LONP1: variants seen among roughly 807,000 people sequenced by gnomAD.
LONP1 encodes the protein lon protease homolog, mitochondrial.
Under a neutral mutation model 98.5 loss-of-function variants are expected in LONP1, and 31 were observed. That is an observed-to-expected ratio of 0.31 (90% CI 0.24 to 0.42). LONP1 has a LOEUF of 0.42. Among genes scored for constraint, LONP1 ranks in the 20% least tolerant of loss-of-function variants. LONP1 has a pLI of 1.00. For missense variants in LONP1, 1,336 were observed against 1,350.6 expected, an observed-to-expected ratio of 0.99 and a Z score of 0.17; for synonymous variants, 781 against 594.7, an observed-to-expected ratio of 1.31 and a Z score of -4.56.
At chr19:5,700,277 C>A (rs1199967426) in intron 9 of LONP1, among the ~76,000 whole-genome samples, 2 of 152,150 alleles carry the variant, frequency 1.3e-5, no homozygotes, top group Admixed American at 6.5e-5. Context: ...CCACGCCTAA[C>A]TAATTTTGTA....
At position 5,698,825 on chromosome 19, in the gene LONP1, T is replaced by C. The variant is rs193282810; in HGVS notation, c.1685+202A>G. Among the ~76,000 whole-genome samples the C allele has an allele frequency of 1.1e-3, 171 of 152,352 alleles. 1 individual carries two copies. In the East Asian group the frequency reaches 0.023, roughly 21 times the overall value. On this transcript the variant is annotated intron_variant, in intron 10 of 17. Transcript: ENST00000360614. ...CCAGGGGTCAAGCCATGGAGGTTCC[T>C]GCCAGCGCTGTTTGAGCACCTGGAA...
At chr19:5,707,860 G>A (rs760781789) in intron 5 of LONP1, 34 bp from the exon 6 acceptor site, 3 of 1,609,536 alleles carry the variant, frequency 1.9e-6, no homozygotes, top group South Asian at 2.2e-5. Context: ...CGGTGGCCAG[G>A]GCCTCACGCT....
chr19:5,692,643 GCACAGCCCCAC>G (rs139932587), intron 17 of LONP1, among the ~76,000 whole-genome samples: 1,677 of 152,252 alleles, frequency 0.011, 8 homozygotes, highest in Middle Eastern at 0.054. Flanking sequence ...TAGATGCCAG[GCACAGCCCCAC>G]CACAGCCCCT....
Position 5,708,185 on chromosome 19 carries a change from A to G in LONP1, c.932+157T>C, listed in dbSNP as rs545747169. ...CGGCCCCGGGCCTCCCACCTGCCCC[A>G]TGCCCCAGTGGGCAACGGGCTCCTC... On this transcript the variant is annotated intron_variant, in intron 5 of 17. Transcript: ENST00000360614. Among the ~76,000 whole-genome samples the G allele has an allele frequency of 3.0e-3, 458 of 152,314 alleles. 1 individual carries two copies. Among genetic ancestry groups the G allele is most frequent in the African/African-American group, 0.011 (440 of 41,576 alleles).
rs370766194 is a variant in LONP1 at position 5,699,171 on chromosome 19, G to A, written c.1541C>T (p.Thr514Ile). 2.0e-6 allele frequency: 3 copies of A among 1,525,234 alleles called. No individual in the cohort carries two copies. The highest frequency in any genetic ancestry group is 3.9e-5 in the Admixed American group (2 of 51,574). The allele number at this position is 1,525,234 out of a possible 1,614,324, so 94.5% of individuals were successfully genotyped here. A position where few individuals can be genotyped will look rare whatever the true frequency, so the allele number is the denominator to read the frequency against. The change falls in exon 10 of 18, where the codon ACC becomes ATC. Residue 514 changes from threonine (T) to isoleucine (I), a missense_variant. By Grantham distance (89) the Thr-to-Ile change is moderately conservative. Transcript: ENST00000360614. ...FIAVSQLRGS[T>I]QGKILCFYGP... ...ATAGAAGCAGAGGATCTTGCCCTGG[G>A]TGGAGCCGCGGAGCTGGCTAACGGC...
chr19:5,698,264 G>T (rs1028143339), intron 10 of LONP1, among the ~76,000 whole-genome samples: 24 of 152,136 alleles, frequency 1.6e-4, no homozygotes, highest in Non-Finnish European at 3.2e-4. Flanking sequence ...TCGGGAGCTG[G>T]GGATGTTTTT....
intron 13 of LONP1, 42 bp downstream of exon 13, chr19:5,696,012 T>C: frequency 1.3e-6 from 2 of 1,573,064 alleles, no homozygotes; most frequent in Non-Finnish European, 1.7e-6. Flanking sequence ...GGGCGCCCCC[T>C]GCTCTGGGAA....
chr19:5,691,929 T>TCGCTCGGTGGCTC lies in LONP1; in HGVS notation c.*90_*102dup. The TCGCTCGGTGGCTC allele has an allele frequency of 1.6e-6, 2 of 1,265,412 alleles. No homozygotes were observed. The highest frequency in any genetic ancestry group is 2.1e-6 in the Non-Finnish European group (2 of 937,354). The allele number at this position is 1,265,412 out of a possible 1,614,324, so 78.4% of individuals were successfully genotyped here. A position where few individuals can be genotyped will look rare whatever the true frequency, so the allele number is the denominator to read the frequency against. On this transcript the variant is annotated 3_prime_UTR_variant, in exon 18 of 18. Coordinates refer to ENST00000360614, the MANE Select transcript of LONP1 (RefSeq NM_004793.4). Reference sequence around the variant, plus strand: ...GATCTGGGTCACTGGACCGAGCTGCTCGCTCGGTGGCTCCACTGCCAGGTC... The same window carrying TCGCTCGGTGGCTC: ...GATCTGGGTCACTGGACCGAGCTGCTCGCTCGGTGGCTCCGCTCGGTGGCTCCACTGCCAGGTC...
Position 5,696,172 on chromosome 19 carries a change from TG to T in LONP1, c.1897-3del, listed in dbSNP as rs753571158. On this transcript the variant is annotated splice_polypyrimidine_tract_variant and splice_region_variant and intron_variant, in intron 12 of 17. Coordinates refer to ENST00000360614, the MANE Select transcript of LONP1 (RefSeq NM_004793.4). ...GTTGGCCGTGCAGATGAACAGCACCTGGGGGCGGCGGCAAGGTGCTGGGGGA... is the reference window on the plus strand; with the variant it reads ...GTTGGCCGTGCAGATGAACAGCACCTGGGGCGGCGGCAAGGTGCTGGGGGA... 1 of 1,612,656 alleles carries T rather than the reference TG, an allele frequency of 6.2e-7. No homozygotes were observed. The highest frequency in any genetic ancestry group is 8.5e-7 in the Non-Finnish European group (1 of 1,179,824).
intron 4 of LONP1, among the ~76,000 whole-genome samples, chr19:5,710,975 G>C (rs972624057): frequency 6.6e-6 from 1 of 151,970 alleles, no homozygotes; most frequent in African/African-American, 2.4e-5. Context: ...GCAGTGAGCT[G>C]AGATCGTTCC....
chr19:5,720,181 C>A, upstream of LONP1: 1 of 1,383,436 alleles, frequency 7.2e-7, no homozygotes, highest in Non-Finnish European at 9.3e-7. Flanking sequence ...TTCCGCTCGC[C>A]GCGAAACGCA....
chr19:5,710,012 G>C (rs764988831), intron 4 of LONP1, among the ~76,000 whole-genome samples: 1 of 150,826 alleles, frequency 6.6e-6, no homozygotes, highest in Non-Finnish European at 1.5e-5. Context: ...TCCCCCTGTT[G>C]CAAGATTCTC....
chr19:5,701,565 G>A (rs577262459), intron 8 of LONP1, among the ~76,000 whole-genome samples: 9 of 152,332 alleles, frequency 5.9e-5, no homozygotes, highest in Admixed American at 2.6e-4. Flanking sequence ...GGTCCTAACC[G>A]CGAGTGGTCC....
chr19:5,694,263 A>ACCC (rs536283050), intron 15 of LONP1, 124 bp downstream of exon 15: 28 of 1,304,886 alleles, frequency 2.1e-5, no homozygotes, highest in Non-Finnish European at 2.8e-5. Context: ...CCAGCACACC[A>ACCC]CCCCCCGCCA....
At position 5,714,233 on chromosome 19, in the gene LONP1, T is replaced by C. The variant is rs1474015436; in HGVS notation, c.468A>G (p.Lys156=). 1.2e-6 allele frequency: 2 copies of C among 1,614,098 alleles called. No individual in the cohort carries two copies. The highest frequency in any genetic ancestry group is 1.7e-6 in the Non-Finnish European group (2 of 1,179,988). The change falls in exon 2 of 18, where the codon AAA becomes AAG. Residue 156 remains lysine, a synonymous_variant. Coordinates refer to ENST00000360614, the MANE Select transcript of LONP1 (RefSeq NM_004793.4). ...NKKLVELLRR[K]VRLAQPYVGV... is the part of the protein sequence containing the mutation. ...CGACATAAGGCTGGGCGAGACGAAC[T>C]TTCCTTCTCAGCAGCTCAACCAACT... is the stretch of plus-strand genomic sequence containing the variant.
chr19:5,701,207 A>T (rs909559620), intron 8 of LONP1, among the ~76,000 whole-genome samples: 11 of 152,218 alleles, frequency 7.2e-5, no homozygotes, highest in African/African-American at 2.7e-4. Flanking sequence ...GAATTTTGGG[A>T]GGCCGAGGCA....
intron 3 of LONP1, 44 bp downstream of exon 3, chr19:5,713,090 G>T: frequency 6.2e-7 from 1 of 1,612,706 alleles, no homozygotes; most frequent in Non-Finnish European, 8.5e-7. Context: ...TCTCCCGCGT[G>T]GTACTCTGCC....
chr19:5,692,001 ACAT>A lies in LONP1; in HGVS notation c.*28_*30del, dbSNP rs774451116. On this transcript the variant is annotated 3_prime_UTR_variant, in exon 18 of 18. Coordinates refer to ENST00000360614, the MANE Select transcript of LONP1 (RefSeq NM_004793.4). ...TCAGTTCTGGCCCAGACAGGGCCTGACATCCGCCGCCTGCAGTCCCGGGGTGGC... is the reference window on the plus strand; with the variant it reads ...TCAGTTCTGGCCCAGACAGGGCCTGACCGCCGCCTGCAGTCCCGGGGTGGC... 5 of 1,594,792 alleles carry A rather than the reference ACAT, an allele frequency of 3.1e-6. No homozygotes were observed. The Admixed American group carries it at 8.5e-5, about 27-fold the overall frequency.
At chr19:5,699,555 G>GTT (rs35759031) in intron 9 of LONP1, among the ~76,000 whole-genome samples, 1,942 of 118,512 alleles carry the variant, frequency 0.016, 62 homozygotes, top group Non-Finnish European at 0.018. Context: ...TCTGGCTCCT[G>GTT]TTTTTTTTTT....
Sources: gnomAD v4.1 joint callset for allele counts (sites outside exome capture counted in the v4.1 genomes callset) on GRCh38, gnomAD v4.1.1 for gene constraint, MANE v1.5 for transcripts, NCBI Gene and HGNC (gene_info 2026-07-23, HGNC 2026-07-21) for gene names.